ITGA1: variants seen among roughly 807,000 people sequenced by gnomAD.
ITGA1 encodes the protein integrin alpha-1.
In ITGA1, 85 loss-of-function variants were observed where a neutral mutation model predicts 145.9. That is an observed-to-expected ratio of 0.58 (90% CI 0.49 to 0.70). The LOEUF is 0.70. ITGA1 is among the 30% of genes least tolerant of loss of function. The pLI is 0.00. For synonymous variants in ITGA1, 520 were observed against 495.3 expected (o/e 1.05, Z -0.66); for missense variants, 1,351 against 1,418.7 (o/e 0.95, Z 0.77).
At chr5:52,800,458 G>T (rs1407186811) in intron 1 of ITGA1, 2 of 1,614,042 alleles carry the variant, frequency 1.2e-6, no homozygotes, top group Non-Finnish European at 1.7e-6. Context: ...GGTCCCCGAG[G>T]AGCCTGAGGA....
rs1265197703 is a variant in ITGA1, at chr5:52,937,432, A to G, written c.2996A>G (p.Glu999Gly). The change falls in exon 24 of 29, where the codon GAG becomes GGG. Residue 999 changes from glutamate (E) to glycine (G), a missense_variant. Transcript: ENST00000282588. ...AAAAGTGGATCTTTTCCAATGCCAG[A>G]GCTTAAGCTGTCAATTTCATTCCCC... ...IRKSGSFPMP[E>G]LKLSISFPNM... 1 of 1,613,154 alleles carries G rather than the reference A, an allele frequency of 6.2e-7. No individual in the cohort carries two copies. Among genetic ancestry groups the G allele is most frequent in the African/African-American group, 1.3e-5 (1 of 74,884 alleles).
intron 21 of ITGA1, chr5:52,931,585 T>G (rs2934215): frequency 0.44 from 67,144 of 152,140 alleles, 15,522 homozygotes; most frequent in Non-Finnish European, 0.5. Flanking sequence ...AAACAAAAGA[T>G]TTTAGATTTA....
At position 52,957,010 on chromosome 5, in the gene ITGA1, C is replaced by T. The variant is rs1751315393; in HGVS notation, c.*4559C>T. The T allele has an allele frequency of 6.6e-6, 1 of 152,126 alleles. No individual in the cohort carries two copies. Among genetic ancestry groups the T allele is most frequent in the Non-Finnish European group, 1.5e-5 (1 of 68,026 alleles). 9.4% of individuals were successfully genotyped at this position (152,126 alleles called of 1,614,324 possible). On this transcript the variant is annotated 3_prime_UTR_variant, in exon 29 of 29. Transcript: ENST00000282588. ...ATGCTGCTGTTTCTAAGTGGAAGCA[C>T]TGTTGAACAACACTCTTAGGTGGAA... is the stretch of plus-strand genomic sequence containing the variant.
At chr5:52,803,907 G>C (rs1424880713) in intron 1 of ITGA1, 1 of 152,128 alleles carries the variant, frequency 6.6e-6, no homozygotes, top group East Asian at 1.9e-4. Flanking sequence ...GGGGTCCCCA[G>C]TCAGGAAAAA....
chr5:52,955,406 A>G lies in ITGA1; in HGVS notation c.*2955A>G, dbSNP rs1751290518. On this transcript the variant is annotated 3_prime_UTR_variant, in exon 29 of 29. Transcript: ENST00000282588. ...ATAGATAGATAGATATTGATAGAGA[A>G]CATGTTGTGTCTATATACATATCCA... 1 of 152,020 alleles carries G rather than the reference A, an allele frequency of 6.6e-6. No individual in the cohort carries two copies. Among genetic ancestry groups the G allele is most frequent in the African/African-American group, 2.4e-5 (1 of 41,330 alleles). 9.4% of individuals were successfully genotyped at this position (152,020 alleles called of 1,614,324 possible).
chr5:52,885,030 C>T (rs1750025816), intron 7 of ITGA1, among the ~76,000 whole-genome samples: 2 of 152,114 alleles, frequency 1.3e-5, no homozygotes, highest in African/African-American at 4.8e-5. Flanking sequence ...GATCACAGAA[C>T]TCAGTAAAGT....
At chr5:52,844,458 A>G (rs1749304118) in intron 1 of ITGA1, among the ~76,000 whole-genome samples, 2 of 152,204 alleles carry the variant, frequency 1.3e-5, no homozygotes, top group Non-Finnish European at 2.9e-5. Flanking sequence ...TAAAAATTGA[A>G]TTAATATGAA....
In ITGA1 at chr5:52,847,086, G is replaced by A. The variant is rs535137438; in HGVS notation, c.62-2279G>A. Among the ~76,000 whole-genome samples the A allele has an allele frequency of 8.1e-3, 1,231 of 152,204 alleles. 6 individuals are homozygous for A. The highest frequency in any genetic ancestry group is 0.014 in the Non-Finnish European group (935 of 68,012). On this transcript the variant is annotated intron_variant, in intron 1 of 28. Coordinates refer to ENST00000282588, the MANE Select transcript of ITGA1 (RefSeq NM_181501.2). ...TTTTAGGAATTTTCCAATTTGGGGG[G>A]AAAAATCTGACACAGATAACTATAT...
At chr5:52,826,638 T>C (rs1173601986) in intron 1 of ITGA1, among the ~76,000 whole-genome samples, 1 of 152,162 alleles carries the variant, frequency 6.6e-6, no homozygotes, top group Admixed American at 6.5e-5. Context: ...GCTGGTAACT[T>C]TAAGGTGAAG....
intron 22 of ITGA1, 51 bp from the exon 23 acceptor site, chr5:52,933,843 T>A (rs1316268424): frequency 3.2e-6 from 3 of 929,284 alleles, no homozygotes; most frequent in Non-Finnish European, 4.8e-6. Context: ...TGAGGCCAAA[T>A]AAAAGTTAAA....
At chr5:52,808,369 T>A (rs6860043) in intron 1 of ITGA1, among the ~76,000 whole-genome samples, 39,159 of 152,084 alleles carry the variant, frequency 0.26, 5,378 homozygotes, top group Non-Finnish European at 0.3. Context: ...AGGATGAATT[T>A]TTGTTAAGGA....
At chr5:52,838,419 CAG>C (rs1491459183) in intron 1 of ITGA1, among the ~76,000 whole-genome samples, 4 of 151,966 alleles carry the variant, frequency 2.6e-5, no homozygotes, top group African/African-American at 7.3e-5. Context: ...GGTACACTGT[CAG>C]AGTGTGCACA....
intron 1 of ITGA1, among the ~76,000 whole-genome samples, chr5:52,827,315 G>A (rs1459100728): frequency 6.6e-6 from 1 of 152,122 alleles, no homozygotes; most frequent in Non-Finnish European, 1.5e-5. Context: ...AACTTTAGTG[G>A]ATGAGTTGTT....
At chr5:52,880,829 CA>C (rs1411772957) in intron 6 of ITGA1, among the ~76,000 whole-genome samples, 2 of 152,114 alleles carry the variant, frequency 1.3e-5, no homozygotes, top group African/African-American at 2.4e-5. Context: ...GATGGTTAAA[CA>C]AAAAGTCATC....
intron 1 of ITGA1, among the ~76,000 whole-genome samples, chr5:52,825,662 G>A (rs10071257): frequency 0.24 from 36,169 of 152,002 alleles, 4,737 homozygotes; most frequent in Middle Eastern, 0.33. Context: ...GCTCATGCCC[G>A]TAATCCCAGC....
At chr5:52,935,487 A>G (rs893295515) in intron 23 of ITGA1, among the ~76,000 whole-genome samples, 1 of 152,166 alleles carries the variant, frequency 6.6e-6, no homozygotes, top group Non-Finnish European at 1.5e-5. Flanking sequence ...ATTTTGGAGT[A>G]AGAAACCATA....
intron 23 of ITGA1, among the ~76,000 whole-genome samples, chr5:52,935,638 G>A (rs2111894114): frequency 6.6e-6 from 1 of 152,220 alleles, no homozygotes; most frequent in Non-Finnish European, 1.5e-5. Context: ...ATGCATATAA[G>A]AAGATTAGCA....
At chr5:52,831,304 T>G (rs1047528556) in intron 1 of ITGA1, among the ~76,000 whole-genome samples, 1 of 152,052 alleles carries the variant, frequency 6.6e-6, no homozygotes, top group Admixed American at 6.6e-5. Context: ...CGGCTAATTT[T>G]TGTATTTTTA....
chr5:52,888,161 C>G (rs1750084389), intron 8 of ITGA1, among the ~76,000 whole-genome samples, 196 bp downstream of exon 8: 1 of 150,932 alleles, frequency 6.6e-6, no homozygotes, highest in Non-Finnish European at 1.5e-5. Flanking sequence ...CCAGGCCAAA[C>G]AGACACTCAA....
Sources: allele counts gnomAD v4.1 joint callset (sites outside exome capture counted in the v4.1 genomes callset), GRCh38; gene constraint gnomAD v4.1.1; transcripts MANE v1.5; gene names NCBI Gene and HGNC (gene_info 2026-07-23, HGNC 2026-07-21).